UNC80: variants seen among roughly 807,000 people sequenced by gnomAD.
UNC80 encodes unc-80 subunit of NALCN channel complex.
UNC80 carries 164 observed loss-of-function variants against 384.6 expected under a neutral mutation model. That is an observed-to-expected ratio of 0.43 (90% CI 0.38 to 0.49). UNC80 has a LOEUF of 0.49. Among genes scored for constraint, UNC80 ranks in the 20% least tolerant of loss-of-function variants. The pLI is 0.00. For synonymous variants in UNC80, 1,486 were observed against 1,527.8 expected (o/e 0.97, Z 0.64); for missense variants, 3,330 against 4,143.0 (o/e 0.80, Z 5.39).
intron 7 of UNC80, among the ~76,000 whole-genome samples, chr2:209,798,823 G>A (rs1485929063): frequency 6.8e-5 from 10 of 147,324 alleles, no homozygotes; most frequent in African/African-American, 2.0e-4. Context: ...GACTACAGGC[G>A]CCCACCACCA....
chr2:209,918,024 G>A, intron 32 of UNC80, 66 bp downstream of exon 32: 1 of 1,458,450 alleles, frequency 6.9e-7, no homozygotes. Flanking sequence ...TTAAACCGTT[G>A]AACCTCAAAG....
At position 209,976,389 on chromosome 2, in the gene UNC80, T is replaced by C; in HGVS notation, c.8772+86T>C. 1 of 1,512,566 alleles carries C rather than the reference T, an allele frequency of 6.6e-7. No homozygotes were observed. The highest frequency in any genetic ancestry group is 9.0e-7 in the Non-Finnish European group (1 of 1,116,448). 93.7% of individuals were successfully genotyped at this position (1,512,566 alleles called of 1,614,324 possible). A position where few individuals can be genotyped will look rare whatever the true frequency, so the allele number is the denominator to read the frequency against. The stretch of plus-strand genomic sequence containing the variant: ...TGAGGCAGGAATATGGCAGGAGTGC[T>C]CATGGTACCTACTGTTGCCAGTTAG... On this transcript the variant is annotated intron_variant, in intron 57 of 64. Coordinates refer to ENST00000673920, the MANE Select transcript of UNC80 (RefSeq NM_001371986.1). This position sits in a 1 kb window ranked among gnomAD's most constrained non-coding sequence, Gnocchi z 4.3.
At chr2:209,845,757 TA>T (rs1025493231) in intron 21 of UNC80, among the ~76,000 whole-genome samples, 1 of 152,128 alleles carries the variant, frequency 6.6e-6, no homozygotes, top group African/African-American at 2.4e-5. Context: ...TTAAAAATTA[TA>T]AAAAAGATAT....
intron 7 of UNC80, among the ~76,000 whole-genome samples, chr2:209,806,228 C>T (rs2078888446): frequency 6.6e-6 from 1 of 152,098 alleles, no homozygotes; most frequent in Admixed American, 6.5e-5. Flanking sequence ...TAGAAATTTA[C>T]AAATATAGAC....
intron 22 of UNC80, among the ~76,000 whole-genome samples, chr2:209,858,734 A>T (rs974269774): frequency 6.6e-6 from 1 of 151,728 alleles, no homozygotes; most frequent in African/African-American, 2.4e-5. Flanking sequence ...AAAGGTTTAT[A>T]TTTAATTTTT....
Position 209,880,980 on chromosome 2 carries a change from A to G in UNC80, c.3996A>G (p.Lys1332=). 6.4e-7 allele frequency: 1 copy of G among 1,552,066 alleles called. No individual in the cohort carries two copies. Among genetic ancestry groups the G allele is most frequent in the Non-Finnish European group, 8.7e-7 (1 of 1,147,054 alleles). The change falls in exon 25 of 65, where the codon AAA becomes AAG. Residue 1332 remains lysine (K), a synonymous_variant. Coordinates refer to ENST00000673920, the MANE Select transcript of UNC80 (RefSeq NM_001371986.1). ...TCCTAGGTACTGTGAACCCCTCTAA[A>G]TGCGGTTGCCCCTTTGCCTTGAAGA... ...FLDDSTVNPS[K]CGCPFALKMA...
chr2:209,990,582 T>C (rs2093373825), intron 61 of UNC80, among the ~76,000 whole-genome samples: 1 of 152,190 alleles, frequency 6.6e-6, no homozygotes, highest in African/African-American at 2.4e-5. Flanking sequence ...TTTGTGCATA[T>C]GGTTATTGAA....
chr2:209,983,657 TTTAAA>T (rs1340243552), intron 60 of UNC80, among the ~76,000 whole-genome samples: 7 of 152,194 alleles, frequency 4.6e-5, no homozygotes, highest in African/African-American at 1.7e-4. Context: ...GAAAGTTTTA[TTTAAA>T]TTATAGAATT....
chr2:209,896,045 ACT>A, intron 27 of UNC80, among the ~76,000 whole-genome samples: 1 of 151,080 alleles, frequency 6.6e-6, no homozygotes, highest in South Asian at 2.1e-4. Context: ...CAAGGACTTG[ACT>A]CTGTTTTTTT....
chr2:209,945,237 A>G, intron 46 of UNC80, 48 bp downstream of exon 46: 1 of 1,527,816 alleles, frequency 6.5e-7, no homozygotes, highest in Non-Finnish European at 8.8e-7. Flanking sequence ...TGCAGTTGTT[A>G]AATATAAATA....
At chr2:209,989,124 AC>A (rs916323149) in intron 61 of UNC80, among the ~76,000 whole-genome samples, 4 of 150,212 alleles carry the variant, frequency 2.7e-5, no homozygotes, top group Non-Finnish European at 5.9e-5. Flanking sequence ...ACCAGCCTGG[AC>A]AACATGGTGA....
chr2:209,920,541 A>G (rs1021975224), intron 33 of UNC80, among the ~76,000 whole-genome samples: 7 of 152,186 alleles, frequency 4.6e-5, no homozygotes, highest in Non-Finnish European at 1.0e-4. Context: ...CTGATCCTTC[A>G]TCTATGGAGG....
At chr2:209,964,390 A>C (rs2092684811) in intron 51 of UNC80, among the ~76,000 whole-genome samples, 1 of 152,226 alleles carries the variant, frequency 6.6e-6, no homozygotes, top group African/African-American at 2.4e-5. Flanking sequence ...CCTGGATTTA[A>C]CTTCCAATCG....
intron 44 of UNC80, among the ~76,000 whole-genome samples, chr2:209,941,822 C>T (rs917167897): frequency 1.3e-5 from 2 of 152,130 alleles, no homozygotes; most frequent in Non-Finnish European, 2.9e-5. Context: ...GCCTGTAATG[C>T]CAGCACTTTG....
chr2:209,932,608 T>A lies in UNC80; in HGVS notation c.5995-1214T>A, dbSNP rs1003355968. On this transcript the variant is annotated intron_variant, in intron 38 of 64. Coordinates refer to ENST00000673920, the MANE Select transcript of UNC80 (RefSeq NM_001371986.1). ...GCAACAAAAATATTTTTAAGGGAGC[T>A]TGATGCCCAGATAGTTTTAAAAGAA... 2.6e-5 allele frequency among the ~76,000 whole-genome samples: 4 copies of A among 152,224 alleles called. No individual in the cohort carries two copies. The East Asian group carries it at 7.7e-4, about 29-fold the overall frequency.
Position 209,954,485 on chromosome 2 carries a change from A to G in UNC80, c.7457+215A>G, listed in dbSNP as rs564450402. On this transcript the variant is annotated intron_variant, in intron 48 of 64. Coordinates refer to ENST00000673920, the MANE Select transcript of UNC80 (RefSeq NM_001371986.1). ...CATTCTGATTAGTAGTAGTATAATA[A>G]TAGTAATAATATTCTTACTATCATT... 1.6e-5 allele frequency: 6 copies of G among 365,952 alleles called. No individual in the cohort carries two copies. In the Admixed American group the frequency reaches 2.2e-4, roughly 13 times the overall value. The allele number at this position is 365,952 out of a possible 1,614,324, so 22.7% of individuals were successfully genotyped here.
intron 5 of UNC80, among the ~76,000 whole-genome samples, chr2:209,786,650 C>G (rs533918081): frequency 6.6e-6 from 1 of 152,212 alleles, no homozygotes; most frequent in African/African-American, 2.4e-5. Flanking sequence ...CAGGAATTAT[C>G]TAATGAAATA....
chr2:209,862,649 C>CTTTTTTTTTTTTTTTTTTTTTTTTTTTTT (rs71043955), intron 22 of UNC80, among the ~76,000 whole-genome samples: 2 of 78,824 alleles, frequency 2.5e-5, no homozygotes, highest in Non-Finnish European at 2.4e-5. Context: ...GCAACCTCTG[C>CTTTTTTTTTTTTTTTTTTTTTTTTTTTTT]TTTTTTTTTT....
At chr2:209,967,852 G>GA (rs1482113409) in intron 52 of UNC80, 4 of 447,928 alleles carry the variant, frequency 8.9e-6, no homozygotes, top group East Asian at 7.8e-5. Context: ...TGCTCATCTT[G>GA]AAAAAAATCT....
Sources: gnomAD v4.1 joint callset for allele counts (sites outside exome capture counted in the v4.1 genomes callset) on GRCh38, gnomAD v4.1.1 for gene constraint, Gnocchi (gnomAD v3.1) non-coding constraint, MANE v1.5 for transcripts, NCBI Gene and HGNC (gene_info 2026-07-23, HGNC 2026-07-21) for gene names.